Variants in PBX3 observed in about 807,000 individuals in gnomAD.
The protein encoded by PBX3 is pre-B-cell leukemia transcription factor 3.
Under a neutral mutation model 48.5 loss-of-function variants are expected in PBX3, and 14 were observed. The ratio of observed to expected loss-of-function variants is 0.29; its 90% CI spans 0.19 to 0.45. The LOEUF (loss-of-function observed/expected upper bound fraction) is 0.45, where lower values mean the gene tolerates loss of function less well. Among genes scored for constraint, PBX3 ranks in the 20% least tolerant of loss-of-function variants. The probability of loss-of-function intolerance (pLI) is 1.00; values close to 1 mark genes in which losing one functional copy is unlikely to be tolerated. For missense variants in PBX3, 386 were observed against 546.7 expected, an observed-to-expected ratio of 0.71 and a Z score of 2.93; for synonymous variants, 210 against 200.3, an observed-to-expected ratio of 1.05 and a Z score of -0.41.
chr9:125,919,766 C>T (rs1321850707), intron 3 of PBX3, among the ~76,000 whole-genome samples: 1 of 152,130 alleles, frequency 6.6e-6, no homozygotes, highest in East Asian at 1.9e-4. Flanking sequence ...TGCCATAAAA[C>T]TAACAAACAT....
At chr9:125,850,272 G>A (rs1349862105) in intron 2 of PBX3, among the ~76,000 whole-genome samples, 1 of 151,944 alleles carries the variant, frequency 6.6e-6, no homozygotes, top group African/African-American at 2.4e-5. Context: ...CTGAATGATG[G>A]GAGGTTTGGC....
intron 2 of PBX3, among the ~76,000 whole-genome samples, chr9:125,907,263 A>G (rs1040626830): frequency 1.3e-5 from 2 of 152,056 alleles, no homozygotes; most frequent in African/African-American, 2.4e-5. Context: ...TGGTAAATAA[A>G]TTTTGATATA....
chr9:125,936,402 G>T (rs1841837034), intron 5 of PBX3, among the ~76,000 whole-genome samples: 1 of 152,118 alleles, frequency 6.6e-6, no homozygotes, highest in African/African-American at 2.4e-5. Flanking sequence ...TTTCTTTATA[G>T]CATGCAAAAG....
intron 2 of PBX3, among the ~76,000 whole-genome samples, chr9:125,864,713 C>G (rs1839939994): frequency 6.6e-6 from 1 of 152,172 alleles, no homozygotes; most frequent in Admixed American, 6.5e-5. Flanking sequence ...AAGCGGAACT[C>G]AGGTGGTAAT....
chr9:125,771,830 A>G (rs2132003211), intron 2 of PBX3, among the ~76,000 whole-genome samples: 1 of 152,076 alleles, frequency 6.6e-6, no homozygotes, highest in Non-Finnish European at 1.5e-5. Flanking sequence ...CATTCTTCAG[A>G]ATTTGAATTT....
chr9:125,907,569 A>G (rs1841104141), intron 2 of PBX3, among the ~76,000 whole-genome samples: 1 of 152,062 alleles, frequency 6.6e-6, no homozygotes. Context: ...TGAACTTCAT[A>G]GTGATTCTTG....
At chr9:125,777,290 A>T (rs1004871119) in intron 2 of PBX3, among the ~76,000 whole-genome samples, 1 of 151,574 alleles carries the variant, frequency 6.6e-6, no homozygotes, top group African/African-American at 2.4e-5. Flanking sequence ...TAGGATTACA[A>T]GTGTGAGCCG....
intron 2 of PBX3, among the ~76,000 whole-genome samples, chr9:125,901,435 T>G (rs1375399628): frequency 6.6e-6 from 1 of 151,736 alleles, no homozygotes; most frequent in Admixed American, 6.6e-5. Flanking sequence ...CAAAATTGTA[T>G]TTCTGAAATA....
intron 4 of PBX3, among the ~76,000 whole-genome samples, chr9:125,932,441 C>G (rs1201004310): frequency 1.3e-5 from 2 of 152,198 alleles, no homozygotes; most frequent in Non-Finnish European, 2.9e-5. Flanking sequence ...TTGAAAGCAA[C>G]AGCCAAGACT....
At chr9:125,902,595 A>T (rs552407350) in intron 2 of PBX3, among the ~76,000 whole-genome samples, 10 of 151,874 alleles carry the variant, frequency 6.6e-5, no homozygotes, top group African/African-American at 2.2e-4. Context: ...ATACACATAT[A>T]AAAATGTTTA....
At chr9:125,894,353 G>C (rs1034904125) in intron 2 of PBX3, among the ~76,000 whole-genome samples, 1 of 152,194 alleles carries the variant, frequency 6.6e-6, no homozygotes, top group Middle Eastern at 3.4e-3. Flanking sequence ...AGAGAACTGA[G>C]TCCATAGATT....
chr9:125,893,286 T>A (rs1840693909), intron 2 of PBX3, among the ~76,000 whole-genome samples: 1 of 152,252 alleles, frequency 6.6e-6, no homozygotes, highest in Admixed American at 6.5e-5. Context: ...GTTAATATTT[T>A]AACTGTTGCA....
At chr9:125,936,654 C>T (rs1376855061) in intron 5 of PBX3, among the ~76,000 whole-genome samples, 1 of 152,122 alleles carries the variant, frequency 6.6e-6, no homozygotes, top group Non-Finnish European at 1.5e-5. Flanking sequence ...AGATGATTTC[C>T]AGCTCCTCTT....
At chr9:125,835,989 A>C (rs1468465882) in intron 2 of PBX3, among the ~76,000 whole-genome samples, 1 of 152,250 alleles carries the variant, frequency 6.6e-6, no homozygotes, top group African/African-American at 2.4e-5. Context: ...TGTGATACAT[A>C]TATTAATACA....
At chr9:125,837,282 A>G (rs2132216574) in intron 2 of PBX3, among the ~76,000 whole-genome samples, 1 of 152,010 alleles carries the variant, frequency 6.6e-6, no homozygotes, top group East Asian at 1.9e-4. Flanking sequence ...ATGATGGTAC[A>G]TATATGTATT....
chr9:125,769,988 C>T (rs959538047), intron 2 of PBX3, among the ~76,000 whole-genome samples: 1 of 151,928 alleles, frequency 6.6e-6, no homozygotes, highest in African/African-American at 2.4e-5. Flanking sequence ...ATTGGTTAAG[C>T]ATTAATGTTA....
Position 125,919,342 on chromosome 9 carries a change from G to A in PBX3, c.516+3415G>A, listed in dbSNP as rs550786064. Among the ~76,000 whole-genome samples, 147 of 148,614 alleles carry A rather than the reference G, an allele frequency of 9.9e-4. 1 individual carries two copies. The highest frequency in any genetic ancestry group is 3.6e-3 in the African/African-American group (144 of 40,182). ...AATTCTCCTGGGATTACAGGCGTCT[G>A]CCATCATGCCCGTCTAATTTTTTTT... On this transcript the variant is annotated intron_variant, in intron 3 of 8. Transcript: ENST00000373489.
intron 2 of PBX3, among the ~76,000 whole-genome samples, chr9:125,816,765 A>G (rs1838477542): frequency 6.6e-6 from 1 of 152,118 alleles, no homozygotes; most frequent in African/African-American, 2.4e-5. Context: ...GTGTGTGTGT[A>G]TATACACAGA....
intron 8 of PBX3, among the ~76,000 whole-genome samples, chr9:125,963,425 C>T (rs149358701): frequency 4.3e-4 from 65 of 152,166 alleles, no homozygotes; most frequent in African/African-American, 1.5e-3. Context: ...AACCAGGCAG[C>T]GGGAAAAATT....
Sources: allele counts gnomAD v4.1 joint callset (sites outside exome capture counted in the v4.1 genomes callset), GRCh38; gene constraint gnomAD v4.1.1; transcripts MANE v1.5; gene names NCBI Gene and HGNC (gene_info 2026-07-23, HGNC 2026-07-21).